Variants in PTGER3 observed in about 807,000 individuals in gnomAD.
PTGER3 encodes prostaglandin E receptor 3, also known as prostaglandin E2 receptor EP3 subtype.
A neutral mutation model predicts 34.7 loss-of-function variants in PTGER3; 22 were observed. That is an observed-to-expected ratio of 0.63 (90% CI 0.45 to 0.91). PTGER3 has a LOEUF of 0.91. PTGER3 is among the 40% of genes least tolerant of loss of function. The pLI is 0.00. For missense variants in PTGER3, 468 were observed against 519.4 expected (o/e 0.90, Z 0.96); for synonymous variants, 241 against 230.1 (o/e 1.05, Z -0.43).
At chr1:70,857,542 T>C (rs1195899561) in intron 4 of PTGER3, among the ~76,000 whole-genome samples, 1 of 152,138 alleles carries the variant, frequency 6.6e-6, no homozygotes, top group African/African-American at 2.4e-5. Flanking sequence ...TATTTATTTA[T>C]TTATTTATTT....
At chr1:70,884,174 T>C (rs912830573) in intron 4 of PTGER3, 3 of 291,140 alleles carry the variant, frequency 1.0e-5, no homozygotes, top group Non-Finnish European at 2.1e-5. Flanking sequence ...GAGACACTTA[T>C]GTGTAATGCT....
chr1:70,869,211 T>A, intron 4 of PTGER3: 1 of 461,642 alleles, frequency 2.2e-6, no homozygotes, highest in South Asian at 1.6e-5. Flanking sequence ...TATCACACTT[T>A]ACAACAACCA....
At chr1:70,949,122 C>T (rs909088506), downstream of PTGER3, among the ~76,000 whole-genome samples, 1 of 152,066 alleles carries the variant, frequency 6.6e-6, no homozygotes, top group South Asian at 2.1e-4. Context: ...GAGTTACATA[C>T]ACAAACACAC....
At chr1:71,012,139 A>C in intron 2 of PTGER3, 166 bp downstream of exon 2, 1 of 1,526,542 alleles carries the variant, frequency 6.6e-7, no homozygotes, top group Middle Eastern at 2.0e-4. Flanking sequence ...GGCATGCCAG[A>C]GATGCCTAAA....
At chr1:71,025,649 A>C (rs1658863288) in intron 1 of PTGER3, among the ~76,000 whole-genome samples, 1 of 152,190 alleles carries the variant, frequency 6.6e-6, no homozygotes, top group South Asian at 2.1e-4. Flanking sequence ...ACAAAACAGC[A>C]ACTAATGCTT....
chr1:70,903,817 A>G (rs1242962907), intron 4 of PTGER3, among the ~76,000 whole-genome samples: 1 of 152,222 alleles, frequency 6.6e-6, no homozygotes, highest in Non-Finnish European at 1.5e-5. Context: ...GGTTTCAGCT[A>G]CTTACTCTTG....
At chr1:70,973,537 C>A (rs572870844) in intron 3 of PTGER3, among the ~76,000 whole-genome samples, 1 of 152,200 alleles carries the variant, frequency 6.6e-6, no homozygotes, top group East Asian at 1.9e-4. Context: ...TCAGTTATAA[C>A]AACTTGTACC....
intron 2 of PTGER3, among the ~76,000 whole-genome samples, chr1:70,981,146 G>A (rs551307983): frequency 2.0e-5 from 3 of 152,120 alleles, no homozygotes; most frequent in African/African-American, 7.2e-5. Context: ...TGGACAATAG[G>A]CAAGAGATTC....
rs553599627 is a variant in PTGER3, at chr1:70,942,940, C to T, written c.*23+10823G>A. On this transcript the variant is annotated intron_variant, in intron 4 of 4. Transcript: ENST00000370931. ...GATTTTAGACTTTTCACCTCCAAGACTGTGGGAATATACATTTCGATTAAG... is the reference window on the plus strand; with the variant it reads ...GATTTTAGACTTTTCACCTCCAAGATTGTGGGAATATACATTTCGATTAAG... Among the ~76,000 whole-genome samples, 12 of 152,290 alleles carry T rather than the reference C, an allele frequency of 7.9e-5. No homozygotes were observed. In the East Asian group the frequency reaches 2.3e-3, roughly 29 times the overall value.
At chr1:71,007,771 T>C in intron 2 of PTGER3, 1 of 985,274 alleles carries the variant, frequency 1.0e-6, no homozygotes, top group Non-Finnish European at 1.2e-6. Context: ...TGATTGGCTG[T>C]TTTTGCCTAG....
chr1:70,888,212 G>T (rs540282216), intron 4 of PTGER3, among the ~76,000 whole-genome samples: 1 of 152,254 alleles, frequency 6.6e-6, no homozygotes, highest in East Asian at 1.9e-4. Flanking sequence ...TCGTGAAGGG[G>T]CATCAAAGTG....
intron 4 of PTGER3, among the ~76,000 whole-genome samples, chr1:70,863,338 G>T (rs1296819997): frequency 6.6e-6 from 1 of 152,068 alleles, no homozygotes; most frequent in African/African-American, 2.4e-5. Context: ...CATCCTTAGG[G>T]TGCTTTGGAT....
At chr1:71,037,449 A>G (rs1659939353) in intron 1 of PTGER3, among the ~76,000 whole-genome samples, 1 of 152,226 alleles carries the variant, frequency 6.6e-6, no homozygotes, top group South Asian at 2.1e-4. Context: ...CGTGCTGACC[A>G]CCACTGTATT....
At chr1:70,861,812 G>A (rs538376509) in intron 4 of PTGER3, among the ~76,000 whole-genome samples, 2 of 152,020 alleles carry the variant, frequency 1.3e-5, no homozygotes, top group African/African-American at 4.8e-5. Context: ...TTTTTGTACG[G>A]AAAGCAAACT....
intron 4 of PTGER3, among the ~76,000 whole-genome samples, chr1:70,931,534 A>G (rs554429938): frequency 1.2e-4 from 19 of 152,212 alleles, no homozygotes; most frequent in African/African-American, 3.4e-4. Flanking sequence ...AGGCATTTCT[A>G]TGTATCCTCT....
At chr1:71,009,638 T>C (rs1657270879) in intron 2 of PTGER3, 6 of 985,258 alleles carry the variant, frequency 6.1e-6, no homozygotes, top group Non-Finnish European at 7.2e-6. Context: ...TAATTTTACA[T>C]ATATTTCTAC....
intron 2 of PTGER3, among the ~76,000 whole-genome samples, chr1:70,955,652 C>T (rs1158926576): frequency 6.6e-6 from 1 of 152,124 alleles, no homozygotes; most frequent in Non-Finnish European, 1.5e-5. Flanking sequence ...AGTTATCCAT[C>T]CTGCCCTTGT....
chr1:70,907,014 A>C (rs764329831), intron 4 of PTGER3, among the ~76,000 whole-genome samples: 6 of 152,212 alleles, frequency 3.9e-5, no homozygotes, highest in Non-Finnish European at 8.8e-5. Context: ...TGCCTCAGGG[A>C]AGTGCCAAGT....
chr1:70,865,972 A>G, intron 4 of PTGER3: 2 of 409,192 alleles, frequency 4.9e-6, no homozygotes, highest in African/African-American at 2.1e-5. Context: ...TCAAAGTTCA[A>G]CTCAAGCACT....
Sources: allele counts gnomAD v4.1 joint callset (sites outside exome capture counted in the v4.1 genomes callset), GRCh38; gene constraint gnomAD v4.1.1; transcripts MANE v1.5; gene names NCBI Gene and HGNC (gene_info 2026-07-23, HGNC 2026-07-21).